SDHAF2: variants seen among roughly 807,000 people sequenced by gnomAD.
SDHAF2 encodes succinate dehydrogenase complex assembly factor 2, also known as succinate dehydrogenase assembly factor 2, mitochondrial.
A neutral mutation model predicts 18.5 loss-of-function variants in SDHAF2; 21 were observed. The observed-to-expected ratio is 1.13, with a 90% CI of 0.80 to 1.63. SDHAF2 has a LOEUF of 1.63. SDHAF2 is among the 40% of genes most tolerant of loss of function. The pLI is 0.00. For synonymous variants in SDHAF2, 84 were observed against 70.7 expected, an observed-to-expected ratio of 1.19 and a Z score of -0.94; for missense variants, 195 against 200.3, an observed-to-expected ratio of 0.97 and a Z score of 0.16.
intron 3 of SDHAF2, among the ~76,000 whole-genome samples, chr11:61,442,304 C>T (rs1296772963): frequency 6.6e-6 from 1 of 152,142 alleles, no homozygotes; most frequent in Non-Finnish European, 1.5e-5. Flanking sequence ...TGTACAAGAT[C>T]GGGTAGTCAG....
intron 1 of SDHAF2, among the ~76,000 whole-genome samples, 177 bp from the exon 2 acceptor site, chr11:61,437,448 C>T (rs1184477689): frequency 2.0e-5 from 3 of 152,150 alleles, no homozygotes; most frequent in Non-Finnish European, 2.9e-5. Context: ...TAATCATGCT[C>T]GCGTTGACCT....
chr11:61,430,311 A>G, intron 1 of SDHAF2, 129 bp downstream of exon 1: 2 of 1,155,236 alleles, frequency 1.7e-6, no homozygotes, highest in Non-Finnish European at 2.6e-6. Context: ...AGGCCCAGGG[A>G]GAGGCCGATC....
At chr11:61,440,493 C>T (rs1469186754) in intron 3 of SDHAF2, among the ~76,000 whole-genome samples, 3 of 151,894 alleles carry the variant, frequency 2.0e-5, no homozygotes, top group Non-Finnish European at 4.4e-5. Context: ...CCCAGCTACT[C>T]GGGAGGCTGA....
chr11:61,446,116 A>G lies in SDHAF2; in HGVS notation c.*45A>G. On this transcript the variant is annotated 3_prime_UTR_variant, in exon 4 of 4. Coordinates refer to ENST00000301761, the MANE Select transcript of SDHAF2 (RefSeq NM_017841.4). ...CATGGGGGTTCAGTCTGTGGATGGT[A>G]ACTACTTATGATGGACGTTAGCCTT... is the stretch of plus-strand genomic sequence containing the variant. The G allele has an allele frequency of 6.2e-7, 1 of 1,612,390 alleles. No individual in the cohort carries two copies.
At chr11:61,435,066 A>T (rs1472318711) in intron 1 of SDHAF2, 1 of 151,856 alleles carries the variant, frequency 6.6e-6, no homozygotes, top group Non-Finnish European at 1.5e-5. Context: ...TATTTTTTAG[A>T]GACGGGGTCT....
At position 61,437,512 on chromosome 11, in the gene SDHAF2, T is replaced by G. The variant is rs752630870; in HGVS notation, c.37-113T>G. On this transcript the variant is annotated intron_variant, in intron 1 of 3. Transcript: ENST00000301761. The stretch of plus-strand genomic sequence containing the variant: ...CCACCACGCCTGGCCAGCAGTGTAA[T>G]TTCCTCATGACTAAATGTGATTGAA... 4.0e-6 allele frequency: 4 copies of G among 992,106 alleles called. No individual in the cohort carries two copies. The highest frequency in any genetic ancestry group is 6.5e-6 in the Non-Finnish European group (4 of 614,486). The allele number at this position is 992,106 out of a possible 1,614,324, so 61.5% of individuals were successfully genotyped here. A position where few individuals can be genotyped will look rare whatever the true frequency, so the allele number is the denominator to read the frequency against.
chr11:61,432,915 A>C (rs55951851), intron 1 of SDHAF2: 1 of 152,024 alleles, frequency 6.6e-6, no homozygotes, highest in Non-Finnish European at 1.5e-5. Context: ...TCCATTAACA[A>C]ATTTTTATAG....
intron 3 of SDHAF2, among the ~76,000 whole-genome samples, chr11:61,441,445 A>G (rs1862064157): frequency 6.6e-6 from 1 of 150,820 alleles, no homozygotes. Context: ...CTCTTAAACC[A>G]GGGAGTCGGA....
At chr11:61,434,013 AGGTAGCT>A (rs1260271442) in intron 1 of SDHAF2, 1 of 152,242 alleles carries the variant, frequency 6.6e-6, no homozygotes, top group African/African-American at 2.4e-5. Context: ...TCGGCCTCCC[AGGTAGCT>A]GGGACTATAG....
Position 61,437,967 on chromosome 11 carries a change from C to T in SDHAF2, c.261-37C>T, listed in dbSNP as rs767970905. 1.3e-5 allele frequency: 20 copies of T among 1,599,042 alleles called. 1 individual carries two copies. The South Asian group carries it at 2.2e-4, about 18-fold the overall frequency. The stretch of plus-strand genomic sequence containing the variant: ...CTTCTCTTTTATTAGACACAGCCTT[C>T]TCAACCTCTTTTTCTTTTTTTCTTT... On this transcript the variant is annotated intron_variant, in intron 2 of 3. Transcript: ENST00000301761.
At chr11:61,440,326 C>T (rs1048378764) in intron 3 of SDHAF2, among the ~76,000 whole-genome samples, 24 of 150,660 alleles carry the variant, frequency 1.6e-4, no homozygotes, top group Non-Finnish European at 8.8e-5. Context: ...GGGCTGGGCG[C>T]GGTGAGTCAA....
chr11:61,446,020 G>A lies in SDHAF2; in HGVS notation c.450G>A (p.Glu150=), dbSNP rs764146390. 2.5e-6 allele frequency: 4 copies of A among 1,614,084 alleles called. No homozygotes were observed. Among genetic ancestry groups the A allele is most frequent in the South Asian group, 1.1e-5 (1 of 91,094 alleles). ...LRDFAKNKNK[E]QRLRAPDLEY... is the part of the protein sequence containing the mutation. ...ACTTTGCTAAAAACAAAAACAAAGA[G>A]CAGAGACTGCGTGCCCCAGATCTTG... The change falls in exon 4 of 4, where the codon GAG becomes GAA. Residue 150 remains glutamate, a synonymous_variant. Transcript: ENST00000301761.
At chr11:61,443,465 G>A (rs995449736) in intron 3 of SDHAF2, among the ~76,000 whole-genome samples, 4 of 152,066 alleles carry the variant, frequency 2.6e-5, no homozygotes, top group Non-Finnish European at 4.4e-5. Context: ...TATATGTCTC[G>A]TAATTTTCTC....
At chr11:61,432,353 CTT>C (rs1007639600) in intron 1 of SDHAF2, 4 of 152,210 alleles carry the variant, frequency 2.6e-5, no homozygotes, top group Admixed American at 6.5e-5. Flanking sequence ...AGCTCAGTCT[CTT>C]ATATAAAATG....
chr11:61,445,631 A>T (rs1320784846), intron 3 of SDHAF2, among the ~76,000 whole-genome samples: 1 of 152,226 alleles, frequency 6.6e-6, no homozygotes, highest in Non-Finnish European at 1.5e-5. Flanking sequence ...AGGACCAGAT[A>T]GTAAGTATTT....
intron 3 of SDHAF2, among the ~76,000 whole-genome samples, chr11:61,442,956 T>C (rs1178688872): frequency 6.6e-6 from 1 of 152,234 alleles, no homozygotes; most frequent in Non-Finnish European, 1.5e-5. Context: ...GGTTTCACCA[T>C]GTTGGCCAGG....
In SDHAF2 at chr11:61,437,981, CTTTTTT is replaced by C. The variant is rs773213740; in HGVS notation, c.261-21_261-16del. ...GACACAGCCTTCTCAACCTCTTTTT[CTTTTTT>C]TCTTTCTTGTTTTTAGTCTTTTTGC... On this transcript the variant is annotated splice_polypyrimidine_tract_variant and intron_variant, in intron 2 of 3. Coordinates refer to ENST00000301761, the MANE Select transcript of SDHAF2 (RefSeq NM_017841.4). 1 of 1,608,726 alleles carries C rather than the reference CTTTTTT, an allele frequency of 6.2e-7. No homozygotes were observed. The highest frequency in any genetic ancestry group is 1.3e-5 in the African/African-American group (1 of 74,826).
intron 1 of SDHAF2, chr11:61,430,949 G>T (rs1861881785): frequency 6.7e-6 from 1 of 149,638 alleles, no homozygotes; most frequent in Non-Finnish European, 1.5e-5. Flanking sequence ...TACAGCTTTT[G>T]TCGCATCTCA....
intron 1 of SDHAF2, chr11:61,430,385 A>C: frequency 1.5e-6 from 1 of 648,164 alleles, no homozygotes; most frequent in Non-Finnish European, 2.7e-6. Context: ...CCGGTCTGGA[A>C]ATATCTGCTT....
Sources: allele counts gnomAD v4.1 joint callset (sites outside exome capture counted in the v4.1 genomes callset), GRCh38; gene constraint gnomAD v4.1.1; transcripts MANE v1.5; gene names NCBI Gene and HGNC (gene_info 2026-07-23, HGNC 2026-07-21).